RASAL2: variants seen among roughly 807,000 people sequenced by gnomAD.
RASAL2 encodes RAS protein activator like 2.
In RASAL2, 58 loss-of-function variants were observed where a neutral mutation model predicts 128.9. That is an observed-to-expected ratio of 0.45 (90% CI 0.36 to 0.56). The LOEUF (loss-of-function observed/expected upper bound fraction) is 0.56, where lower values mean the gene tolerates loss of function less well. Among genes scored for constraint, RASAL2 ranks in the 20% least tolerant of loss-of-function variants. The probability of loss-of-function intolerance (pLI) is 0.00; values close to 1 mark genes in which losing one functional copy is unlikely to be tolerated. For missense variants in RASAL2, 1,360 were observed against 1,601.6 expected (o/e 0.85, Z 2.57); for synonymous variants, 561 against 580.8 (o/e 0.97, Z 0.49).
At chr1:178,190,573 G>T (rs1394482867) in intron 1 of RASAL2, among the ~76,000 whole-genome samples, 1 of 152,108 alleles carries the variant, frequency 6.6e-6, no homozygotes, top group Non-Finnish European at 1.5e-5. Flanking sequence ...TGACAGGAAG[G>T]AATCTATCTA....
intron 1 of RASAL2, among the ~76,000 whole-genome samples, chr1:178,143,709 G>C (rs1660617800): frequency 6.6e-6 from 1 of 151,602 alleles, no homozygotes; most frequent in Non-Finnish European, 1.5e-5. Flanking sequence ...GGATTGGGAA[G>C]TGGGGGTGGT....
At chr1:178,170,537 T>TA (rs1401723889) in intron 1 of RASAL2, among the ~76,000 whole-genome samples, 4 of 151,740 alleles carry the variant, frequency 2.6e-5, no homozygotes, top group African/African-American at 7.2e-5. Flanking sequence ...ACTATTTAAA[T>TA]ATTTTCTCCT....
At chr1:178,421,018 A>C (rs1279768401) in intron 5 of RASAL2, among the ~76,000 whole-genome samples, 1 of 152,194 alleles carries the variant, frequency 6.6e-6, no homozygotes, top group African/African-American at 2.4e-5. Context: ...TCTTTATAAT[A>C]ACCGTATATG....
intron 15 of RASAL2, among the ~76,000 whole-genome samples, chr1:178,465,174 C>A (rs969884236): frequency 3.3e-5 from 5 of 152,062 alleles, no homozygotes; most frequent in African/African-American, 1.2e-4. Context: ...TATGTTCCAG[C>A]AAGCAGTACA....
intron 4 of RASAL2, among the ~76,000 whole-genome samples, chr1:178,398,523 A>G (rs1386009900): frequency 6.6e-6 from 1 of 152,154 alleles, no homozygotes; most frequent in Non-Finnish European, 1.5e-5. Context: ...GAGTGTTTTT[A>G]TTATATTTGT....
At chr1:178,435,363 A>G (rs1676189507) in intron 5 of RASAL2, among the ~76,000 whole-genome samples, 1 of 152,048 alleles carries the variant, frequency 6.6e-6, no homozygotes, top group South Asian at 2.1e-4. Context: ...AATTGCACTA[A>G]TCAGTGTTAT....
chr1:178,390,286 G>A, intron 4 of RASAL2, 80 bp downstream of exon 4: 3 of 949,460 alleles, frequency 3.2e-6, no homozygotes, highest in Non-Finnish European at 4.8e-6. Context: ...AGCTACTAAG[G>A]AATCCAAACA....
intron 1 of RASAL2, among the ~76,000 whole-genome samples, chr1:178,131,678 C>T (rs995594495): frequency 6.6e-6 from 1 of 152,030 alleles, no homozygotes; most frequent in South Asian, 2.1e-4. Flanking sequence ...CCTTATCATG[C>T]ACAAGTTAAA....
rs568981780 is a variant in RASAL2 at position 178,434,828 on chromosome 1, A to G, written c.675-4594A>G. 9.1e-4 allele frequency among the ~76,000 whole-genome samples: 138 copies of G among 152,154 alleles called. 7 individuals are homozygous for G. The South Asian group carries it at 0.028, about 31-fold the overall frequency. On this transcript the variant is annotated intron_variant, in intron 5 of 17. Coordinates refer to ENST00000367649, the MANE Select transcript of RASAL2 (RefSeq NM_170692.4). ...GGATGTGCACTTTCAAATGGCAAAC[A>G]TCAGTTGAAGATTTTCACAAAATAC...
At position 178,415,124 on chromosome 1, in the gene RASAL2, C is replaced by CT. The variant is rs200786626; in HGVS notation, c.565-5379dup. ...GTGTTTGCTTTGGATTTAATTTGCTCTTTTTTTTCTAGTTTTCTAAGATAG... is the reference window on the plus strand; with the variant it reads ...GTGTTTGCTTTGGATTTAATTTGCTCTTTTTTTTTCTAGTTTTCTAAGATAG... On this transcript the variant is annotated intron_variant, in intron 4 of 17. Transcript: ENST00000367649. Among the ~76,000 whole-genome samples, 1,202 of 151,864 alleles carry CT rather than the reference C, an allele frequency of 7.9e-3. 18 individuals carry two copies. Among genetic ancestry groups the CT allele is most frequent in the African/African-American group, 0.027 (1,115 of 41,440 alleles).
At chr1:178,309,375 A>T (rs1392474832) in intron 3 of RASAL2, among the ~76,000 whole-genome samples, 1 of 152,202 alleles carries the variant, frequency 6.6e-6, no homozygotes, top group Non-Finnish European at 1.5e-5. Flanking sequence ...ACATTAATAG[A>T]TGGCAGTGAT....
intron 1 of RASAL2, among the ~76,000 whole-genome samples, chr1:178,208,789 G>T (rs1663152430): frequency 6.6e-6 from 1 of 152,054 alleles, no homozygotes; most frequent in African/African-American, 2.4e-5. Flanking sequence ...TAAAAAACTT[G>T]CTGGTTTGAG....
chr1:178,305,883 G>A (rs999810270), intron 3 of RASAL2, among the ~76,000 whole-genome samples: 5 of 152,196 alleles, frequency 3.3e-5, no homozygotes, highest in Non-Finnish European at 7.3e-5. Flanking sequence ...AGGTTAGGAA[G>A]ATGAAGTAGC....
intron 1 of RASAL2, among the ~76,000 whole-genome samples, chr1:178,097,712 ACAG>A (rs1297784447): frequency 1.3e-5 from 2 of 152,182 alleles, no homozygotes; most frequent in African/African-American, 4.8e-5. Flanking sequence ...ACAAACAACA[ACAG>A]AAGTAACCCC....
Position 178,445,511 on chromosome 1 carries a change from C to G in RASAL2, c.1483-7C>G, listed in dbSNP as rs1199692516. 1 of 1,611,754 alleles carries G rather than the reference C, an allele frequency of 6.2e-7. No individual in the cohort carries two copies. Among genetic ancestry groups the G allele is most frequent in the South Asian group, 1.1e-5 (1 of 90,610 alleles). ...GCTTTCTGCCTGATTGAACATTATT[C>G]TACCAGGATTTTCTGACTGACTTGG... On this transcript the variant is annotated splice_region_variant and splice_polypyrimidine_tract_variant and intron_variant, in intron 8 of 17. Coordinates refer to ENST00000367649, the MANE Select transcript of RASAL2 (RefSeq NM_170692.4).
At chr1:178,460,974 T>C (rs537591130) in intron 14 of RASAL2, among the ~76,000 whole-genome samples, 1 of 152,058 alleles carries the variant, frequency 6.6e-6, no homozygotes, top group South Asian at 2.1e-4. Context: ...CCACCACGCC[T>C]GGCTAATTTT....
chr1:178,169,318 G>A lies in RASAL2; in HGVS notation c.202+74624G>A, dbSNP rs558228063. On this transcript the variant is annotated intron_variant, in intron 1 of 17. Coordinates refer to ENST00000367649, the MANE Select transcript of RASAL2 (RefSeq NM_170692.4). ...TTAGAGAAACCCCAGGGGATCTTTG[G>A]CGACACTTCGTATTAGAAGATTGTA... Among the ~76,000 whole-genome samples the A allele has an allele frequency of 2.6e-5, 4 of 152,132 alleles. No individual in the cohort carries two copies. The South Asian group carries it at 8.3e-4, about 32-fold the overall frequency.
At chr1:178,163,992 A>C (rs1399347900) in intron 1 of RASAL2, among the ~76,000 whole-genome samples, 1 of 152,176 alleles carries the variant, frequency 6.6e-6, no homozygotes, top group Non-Finnish European at 1.5e-5. Flanking sequence ...GTTTATTCCT[A>C]AGTATTTTAT....
At chr1:178,208,992 A>G (rs916096691) in intron 1 of RASAL2, among the ~76,000 whole-genome samples, 1 of 151,842 alleles carries the variant, frequency 6.6e-6, no homozygotes, top group Non-Finnish European at 1.5e-5. Context: ...TTTTTTTTTT[A>G]AATGATCGTA....
Sources: allele counts gnomAD v4.1 joint callset (sites outside exome capture counted in the v4.1 genomes callset), GRCh38; gene constraint gnomAD v4.1.1; transcripts MANE v1.5; gene names NCBI Gene and HGNC (gene_info 2026-07-23, HGNC 2026-07-21).